GREB1: variants seen among roughly 807,000 people sequenced by gnomAD.
GREB1 encodes growth regulating estrogen receptor binding 1.
GREB1 carries 106 observed loss-of-function variants against 200.7 expected under a neutral mutation model. That is an observed-to-expected ratio of 0.53 (90% CI 0.45 to 0.62). GREB1 has a LOEUF of 0.62. Ranked by LOEUF, GREB1 falls within the 20% of genes least tolerant of loss-of-function variation. The pLI, the probability that GREB1 is intolerant of heterozygous loss-of-function variation, is 0.00. For missense variants in GREB1, 2,243 were observed against 2,556.8 expected (o/e 0.88, Z 2.65); for synonymous variants, 1,132 against 1,092.4 (o/e 1.04, Z -0.72).
At chr2:11,512,401 A>G (rs1389059478) in intron 1 of GREB1, among the ~76,000 whole-genome samples, 1 of 152,230 alleles carries the variant, frequency 6.6e-6, no homozygotes, top group Non-Finnish European at 1.5e-5. Flanking sequence ...TTCACTTAAC[A>G]AATATTTATT....
At position 11,625,278 on chromosome 2, in the gene GREB1, G is replaced by C; in HGVS notation, c.4272G>C (p.Leu1424=). 6.2e-7 allele frequency: 1 copy of C among 1,614,198 alleles called. No individual in the cohort carries two copies. The highest frequency in any genetic ancestry group is 1.6e-4 in the Middle Eastern group (1 of 6,062). ...ACCCGAAGTATGAAGATGCCAGCCT[G>C]ATTTGTTCGCACTATCAGGGTATAA... ...IHDPKYEDAS[L]ICSHYQGIKS... The change falls in exon 24 of 33, where the codon CTG becomes CTC. Residue 1424 remains leucine (L), a synonymous_variant. Transcript: ENST00000381486.
chr2:11,575,506 G>A (rs1176323768), intron 4 of GREB1, among the ~76,000 whole-genome samples: 1 of 152,210 alleles, frequency 6.6e-6, no homozygotes, highest in African/African-American at 2.4e-5. Context: ...ACAGCTGATG[G>A]AAGCCTCCAT....
At chr2:11,491,953 C>T (rs560055012) in intron 1 of GREB1, among the ~76,000 whole-genome samples, 7 of 152,318 alleles carry the variant, frequency 4.6e-5, no homozygotes, top group African/African-American at 1.7e-4. Context: ...TATGTGAGGC[C>T]TGGCCATCTC....
At chr2:11,566,356 G>C in intron 3 of GREB1, 124 bp from the exon 4 acceptor site, 1 of 844,316 alleles carries the variant, frequency 1.2e-6, no homozygotes, top group Non-Finnish European at 1.8e-6. Flanking sequence ...TTAATTTTGA[G>C]GTCAAGCACA....
intron 7 of GREB1, among the ~76,000 whole-genome samples, chr2:11,583,387 G>A (rs552429250): frequency 4.3e-4 from 65 of 152,360 alleles, no homozygotes; most frequent in Non-Finnish European, 5.6e-4. Flanking sequence ...CAGCAGCTGC[G>A]TCAGTGGTTG....
intron 1 of GREB1, among the ~76,000 whole-genome samples, chr2:11,523,303 A>T (rs1219314207): frequency 6.6e-6 from 1 of 152,126 alleles, no homozygotes; most frequent in Non-Finnish European, 1.5e-5. Flanking sequence ...CCGGGTGATG[A>T]AACAATCTGT....
intron 17 of GREB1, among the ~76,000 whole-genome samples, chr2:11,602,835 A>G (rs1681906792): frequency 1.3e-5 from 2 of 152,220 alleles, no homozygotes; most frequent in Non-Finnish European, 1.5e-5. Context: ...AAATGGGAGG[A>G]AGATAACAAA....
At chr2:11,510,152 T>C (rs1317251328) in intron 1 of GREB1, among the ~76,000 whole-genome samples, 1 of 152,226 alleles carries the variant, frequency 6.6e-6, no homozygotes, top group Admixed American at 6.5e-5. Context: ...CACTGGGCTG[T>C]TGTTTAATGT....
At chr2:11,632,198 T>C (rs1353016253) in intron 27 of GREB1, 85 bp downstream of exon 27, 3 of 957,562 alleles carry the variant, frequency 3.1e-6, no homozygotes, top group Non-Finnish European at 4.9e-6. Flanking sequence ...AAGTTAAACA[T>C]GTGACATCAG....
chr2:11,538,645 C>A (rs1558510714), intron 1 of GREB1, among the ~76,000 whole-genome samples: 1 of 28,602 alleles, frequency 3.5e-5, no homozygotes, highest in African/African-American at 6.8e-5. Flanking sequence ...TTCTTTCTTT[C>A]TTTCTTTCTT....
intron 1 of GREB1, among the ~76,000 whole-genome samples, chr2:11,488,312 G>A (rs1447339840): frequency 6.6e-6 from 1 of 152,172 alleles, no homozygotes; most frequent in Non-Finnish European, 1.5e-5. Context: ...GAGTCTGTAA[G>A]CTCTTAAAAT....
At chr2:11,585,330 G>C (rs1679966205) in intron 8 of GREB1, 56 bp downstream of exon 8, 4 of 1,076,602 alleles carry the variant, frequency 3.7e-6, no homozygotes, top group African/African-American at 1.6e-5. Context: ...TGGTAGTGCT[G>C]CTGCCAGTTG....
chr2:11,595,827 C>G (rs1269757638), intron 12 of GREB1, among the ~76,000 whole-genome samples: 1 of 152,152 alleles, frequency 6.6e-6, no homozygotes, highest in Admixed American at 6.5e-5. Context: ...GAAAGCTTCT[C>G]AGACCCTTCG....
chr2:11,514,664 A>G (rs1437932469), intron 1 of GREB1, among the ~76,000 whole-genome samples: 1 of 152,264 alleles, frequency 6.6e-6, no homozygotes, highest in Non-Finnish European at 1.5e-5. Flanking sequence ...GGGAAGGCAC[A>G]TGCTGAACCC....
At chr2:11,637,041 T>C (rs77914699) in intron 30 of GREB1, among the ~76,000 whole-genome samples, 30 of 15,638 alleles carry the variant, frequency 1.9e-3, no homozygotes, top group South Asian at 2.2e-3. Context: ...TGGGCAGAGG[T>C]AGGGACAGAG....
chr2:11,611,119 C>T (rs897493584), intron 18 of GREB1, 92 bp downstream of exon 18: 4 of 1,124,080 alleles, frequency 3.6e-6, no homozygotes, highest in Non-Finnish European at 3.8e-6. Flanking sequence ...ACGAACCCCA[C>T]AGCGTGGCCA....
At chr2:11,566,725 G>A (rs1441073525) in intron 4 of GREB1, 69 bp downstream of exon 4, 7 of 1,399,914 alleles carry the variant, frequency 5.0e-6, no homozygotes, top group Admixed American at 4.7e-5. Context: ...GGGAGGTCAC[G>A]GCGGGGGGTG....
intron 9 of GREB1, chr2:11,587,931 G>T: frequency 1.0e-6 from 1 of 993,144 alleles, no homozygotes; most frequent in Non-Finnish European, 1.2e-6. Flanking sequence ...TCCTCAGAAT[G>T]AATCTTCTGA....
At chr2:11,595,921 G>T (rs566273862) in intron 12 of GREB1, among the ~76,000 whole-genome samples, 190 bp from the exon 13 acceptor site, 8 of 152,044 alleles carry the variant, frequency 5.3e-5, no homozygotes, top group African/African-American at 1.2e-4. Context: ...ATGTCTGTGT[G>T]GGGGGAGCTC....
Sources: allele counts gnomAD v4.1 joint callset (sites outside exome capture counted in the v4.1 genomes callset), GRCh38; gene constraint gnomAD v4.1.1; transcripts MANE v1.5; gene names NCBI Gene and HGNC (gene_info 2026-07-23, HGNC 2026-07-21).